TDRD9: variants seen among roughly 807,000 people sequenced by gnomAD.
TDRD9 encodes the protein tudor domain containing 9.
TDRD9 carries 124 observed loss-of-function variants against 172.6 expected under a neutral mutation model. That is an observed-to-expected ratio of 0.72 (90% CI 0.62 to 0.83). The LOEUF (loss-of-function observed/expected upper bound fraction) is 0.83. Among genes scored for constraint, TDRD9 ranks in the 40% least tolerant of loss-of-function variants. The probability of loss-of-function intolerance (pLI) is 0.00; values close to 1 mark genes in which losing one functional copy is unlikely to be tolerated. For synonymous variants in TDRD9, 619 were observed against 617.1 expected, an observed-to-expected ratio of 1.00 and a Z score of -0.05; for missense variants, 1,479 against 1,714.1, an observed-to-expected ratio of 0.86 and a Z score of 2.42.
At chr14:103,949,044 G>C (rs1239930141) in intron 1 of TDRD9, among the ~76,000 whole-genome samples, 2 of 152,168 alleles carry the variant, frequency 1.3e-5, no homozygotes, top group Non-Finnish European at 2.9e-5. Flanking sequence ...TGTTTAATGG[G>C]TACAGAGATT....
chr14:104,020,774 T>A (rs1157820370), intron 23 of TDRD9, among the ~76,000 whole-genome samples: 2 of 151,984 alleles, frequency 1.3e-5, no homozygotes, highest in African/African-American at 4.8e-5. Flanking sequence ...GGGGCCCAGG[T>A]CTGTTTTTGT....
intron 1 of TDRD9, among the ~76,000 whole-genome samples, chr14:103,943,237 C>G (rs1470960582): frequency 1.3e-5 from 2 of 151,618 alleles, no homozygotes; most frequent in African/African-American, 4.8e-5. Flanking sequence ...CTCAAGTGAT[C>G]CTCCCACCTC....
At chr14:104,018,257 C>A in intron 23 of TDRD9, 65 bp downstream of exon 23, 2 of 1,056,302 alleles carry the variant, frequency 1.9e-6, no homozygotes, top group Non-Finnish European at 2.8e-6. Flanking sequence ...TGTTTCCAGA[C>A]GCTGATTGTT....
intron 13 of TDRD9, 79 bp downstream of exon 13, chr14:103,998,807 C>G: frequency 3.1e-6 from 2 of 637,634 alleles, no homozygotes; most frequent in Non-Finnish European, 5.3e-6. Flanking sequence ...TTTTTTTTTT[C>G]TCTGAGACGG....
At chr14:104,029,247 C>G (rs1002260926) in intron 28 of TDRD9, among the ~76,000 whole-genome samples, 1 of 152,108 alleles carries the variant, frequency 6.6e-6, no homozygotes, top group Non-Finnish European at 1.5e-5. Context: ...ATTGGAGTTG[C>G]ATTGAATCTG....
intron 5 of TDRD9, among the ~76,000 whole-genome samples, chr14:103,968,657 G>T (rs1314993593): frequency 6.8e-6 from 1 of 146,968 alleles, no homozygotes; most frequent in East Asian, 2.0e-4. Flanking sequence ...TTAGCCGGGC[G>T]TGGTGGCGGG....
intron 7 of TDRD9, among the ~76,000 whole-genome samples, chr14:103,985,216 G>T (rs1160174049): frequency 6.6e-6 from 1 of 152,150 alleles, no homozygotes; most frequent in African/African-American, 2.4e-5. Context: ...AGATTTGGGA[G>T]GGGCCAGAGG....
intron 33 of TDRD9, 135 bp from the exon 34 acceptor site, chr14:104,041,934 A>G: frequency 1.7e-6 from 1 of 585,626 alleles, no homozygotes; most frequent in East Asian, 2.8e-5. Context: ...AGCAGTCAAG[A>G]TGCCTTCAGC....
chr14:104,017,799 C>G (rs916973106), intron 22 of TDRD9, among the ~76,000 whole-genome samples: 16 of 152,094 alleles, frequency 1.1e-4, no homozygotes, highest in Admixed American at 6.5e-4. Flanking sequence ...ATTTAGTAAG[C>G]TTGATTATTT....
At chr14:103,931,690 G>A (rs894699873) in intron 1 of TDRD9, among the ~76,000 whole-genome samples, 14 of 152,192 alleles carry the variant, frequency 9.2e-5, no homozygotes, top group Non-Finnish European at 1.9e-4. Context: ...ACTGGAACCT[G>A]TGACTATGTA....
chr14:104,014,890 CA>C, intron 21 of TDRD9, 49 bp downstream of exon 21: 1 of 1,159,646 alleles, frequency 8.6e-7, no homozygotes, highest in Non-Finnish European at 1.3e-6. Context: ...TTTCTGCTTA[CA>C]AGGTCTTGTG....
At chr14:104,050,010 G>A in intron 35 of TDRD9, 1 of 237,110 alleles carries the variant, frequency 4.2e-6, no homozygotes, top group South Asian at 1.1e-4. Flanking sequence ...TTCCTTCCAT[G>A]TGGCTGGCTT....
intron 23 of TDRD9, among the ~76,000 whole-genome samples, chr14:104,020,064 C>T (rs531919089): frequency 5.1e-4 from 77 of 152,196 alleles, no homozygotes; most frequent in African/African-American, 1.7e-3. Context: ...AGCTGGTAGC[C>T]GTTTGGGCAG....
In TDRD9 at chr14:103,937,391, C is replaced by T. The variant is rs530907489; in HGVS notation, c.215+8667C>T. On this transcript the variant is annotated intron_variant, in intron 1 of 35. Coordinates refer to ENST00000409874, the MANE Select transcript of TDRD9 (RefSeq NM_153046.3). ...CGTCGCTCCCTTCCCATTGCAGGCT[C>T]CTTTCTTCATTTGGGACCCTGTTCA... Among the ~76,000 whole-genome samples the T allele has an allele frequency of 2.6e-5, 4 of 152,208 alleles. No homozygotes were observed. In the South Asian group the frequency reaches 8.3e-4, roughly 32 times the overall value.
At chr14:103,972,199 TGGG>T (rs1237242954) in intron 6 of TDRD9, among the ~76,000 whole-genome samples, 1 of 151,124 alleles carries the variant, frequency 6.6e-6, no homozygotes, top group Non-Finnish European at 1.5e-5. Context: ...CCCAGCTACT[TGGG>T]AGGCTGAGGC....
chr14:103,992,777 T>A (rs563151067), intron 9 of TDRD9, among the ~76,000 whole-genome samples: 4 of 151,752 alleles, frequency 2.6e-5, no homozygotes, highest in African/African-American at 9.7e-5. Context: ...CAAAAAAAAT[T>A]AGCCGGGCAT....
chr14:103,963,218 C>A, intron 3 of TDRD9, 42 bp downstream of exon 3: 1 of 1,369,724 alleles, frequency 7.3e-7, no homozygotes. Context: ...TGTTTGAATA[C>A]ATGTCTGAGG....
intron 1 of TDRD9, among the ~76,000 whole-genome samples, chr14:103,948,592 T>C (rs2031696743): frequency 6.6e-6 from 1 of 152,196 alleles, no homozygotes; most frequent in Non-Finnish European, 1.5e-5. Context: ...GGAAGCAACC[T>C]GAGTGTCCAT....
Position 104,051,962 on chromosome 14 carries a change from C to G in TDRD9, c.4048-19C>G. 6.4e-7 allele frequency: 1 copy of G among 1,556,386 alleles called. No homozygotes were observed. The highest frequency in any genetic ancestry group is 1.2e-5 in the South Asian group (1 of 84,834). ...GCCCTGTCACAGAGCCTGACTGGTC[C>G]GCTTGTCTACCCCATTAGGTTGATC... is the stretch of plus-strand genomic sequence containing the variant. On this transcript the variant is annotated intron_variant, in intron 35 of 35. Transcript: ENST00000409874.
Sources: allele counts gnomAD v4.1 joint callset (sites outside exome capture counted in the v4.1 genomes callset), GRCh38; gene constraint gnomAD v4.1.1; transcripts MANE v1.5; gene names NCBI Gene and HGNC (gene_info 2026-07-23, HGNC 2026-07-21).